Variants in KCNT2 observed in about 807,000 individuals in gnomAD.
The protein encoded by KCNT2 is potassium sodium-activated channel subfamily T member 2, also known as potassium channel subfamily T member 2.
Under a neutral mutation model 153.8 loss-of-function variants are expected in KCNT2, and 67 were observed. That is an observed-to-expected ratio of 0.44 (90% CI 0.36 to 0.53). The LOEUF (loss-of-function observed/expected upper bound fraction) is 0.53, where lower values mean the gene tolerates loss of function less well. Among genes scored for constraint, KCNT2 ranks in the 20% least tolerant of loss-of-function variants. The pLI, the probability that KCNT2 is intolerant of heterozygous loss-of-function variation, is 0.00. For missense variants in KCNT2, 975 were observed against 1,354.8 expected (o/e 0.72, Z 4.40); for synonymous variants, 500 against 458.8 (o/e 1.09, Z -1.15).
In KCNT2 at chr1:196,398,582, T is replaced by C. The variant is rs1387496887; in HGVS notation, c.1275A>G (p.Lys425=). 41 of 1,597,654 alleles carry C rather than the reference T, an allele frequency of 2.6e-5. No individual in the cohort carries two copies. Among genetic ancestry groups the C allele is most frequent in the Non-Finnish European group, 3.4e-5 (40 of 1,167,604 alleles). The part of the protein sequence containing the change: ...LYVQILKPEN[K]FHIKFADHVV... ...ACTTACCAGCAAATTTGATGTGAAA[T>C]TTATTTTCAGGCTTTAATATCTGGA... Residue 425 remains lysine, a synonymous_variant, in exon 13 of 28, where the codon AAA becomes AAG. Transcript: ENST00000294725.
intron 5 of KCNT2, among the ~76,000 whole-genome samples, chr1:196,477,349 G>A (rs12141177): frequency 0.017 from 2,624 of 152,220 alleles, 72 homozygotes; most frequent in African/African-American, 0.06. Flanking sequence ...CCTTTGGGAG[G>A]CTGAGGTTGG....
At chr1:196,365,391 G>A (rs565773202) in intron 14 of KCNT2, among the ~76,000 whole-genome samples, 11 of 152,084 alleles carry the variant, frequency 7.2e-5, no homozygotes, top group African/African-American at 2.6e-4. Flanking sequence ...ACTCATGGTG[G>A]CTTTCTTCTA....
At chr1:196,477,568 A>T (rs1434875540) in intron 5 of KCNT2, among the ~76,000 whole-genome samples, 1 of 152,058 alleles carries the variant, frequency 6.6e-6, no homozygotes, top group Non-Finnish European at 1.5e-5. Flanking sequence ...CCTGGGTGAC[A>T]GTGTGAGACC....
intron 14 of KCNT2, among the ~76,000 whole-genome samples, chr1:196,368,678 T>C (rs1287434677): frequency 6.6e-6 from 1 of 152,180 alleles, no homozygotes; most frequent in Non-Finnish European, 1.5e-5. Flanking sequence ...TATTTTATTA[T>C]GCTATACTAT....
intron 1 of KCNT2, among the ~76,000 whole-genome samples, chr1:196,497,891 T>G (rs925409644): frequency 6.6e-6 from 1 of 152,178 alleles, no homozygotes; most frequent in Non-Finnish European, 1.5e-5. Flanking sequence ...CAGGAGTTTT[T>G]CTTCTACAGT....
intron 12 of KCNT2, among the ~76,000 whole-genome samples, chr1:196,421,970 C>T (rs1673246005): frequency 6.6e-6 from 1 of 151,996 alleles, no homozygotes. Context: ...GGATTAGCGC[C>T]TACCCTAATG....
At chr1:196,360,651 A>ACACAC (rs58438267) in intron 14 of KCNT2, among the ~76,000 whole-genome samples, 4,642 of 152,114 alleles carry the variant, frequency 0.031, 204 homozygotes, top group African/African-American at 0.1. Flanking sequence ...GGAAATTTGA[A>ACACAC]CACACAAAAG....
intron 4 of KCNT2, among the ~76,000 whole-genome samples, chr1:196,480,039 T>C (rs1678875496): frequency 6.6e-6 from 1 of 152,222 alleles, no homozygotes; most frequent in Admixed American, 6.5e-5. Context: ...TATCCTTTTA[T>C]CTTTTTCTAT....
intron 22 of KCNT2, among the ~76,000 whole-genome samples, chr1:196,293,390 C>T (rs1217129864): frequency 6.6e-6 from 1 of 152,248 alleles, no homozygotes; most frequent in South Asian, 2.1e-4. Flanking sequence ...CAGTATCTGA[C>T]TTCAAAATCT....
chr1:196,377,340 G>T (rs1669057024), intron 13 of KCNT2, among the ~76,000 whole-genome samples: 1 of 151,682 alleles, frequency 6.6e-6, no homozygotes, highest in Non-Finnish European at 1.5e-5. Flanking sequence ...CATTTTTTTT[G>T]GTGGGGGGGA....
chr1:196,383,768 T>G (rs1233577140), intron 13 of KCNT2, among the ~76,000 whole-genome samples: 2 of 152,162 alleles, frequency 1.3e-5, no homozygotes, highest in African/African-American at 4.8e-5. Context: ...CCCCAGCACT[T>G]GCAGAAATGC....
intron 13 of KCNT2, among the ~76,000 whole-genome samples, chr1:196,389,129 T>C (rs1395180003): frequency 6.6e-6 from 1 of 151,790 alleles, no homozygotes; most frequent in Non-Finnish European, 1.5e-5. Context: ...TGTATTAATA[T>C]GGTGAACTGC....
At chr1:196,229,943 G>A (rs948034759) in intron 27 of KCNT2, among the ~76,000 whole-genome samples, 2 of 152,078 alleles carry the variant, frequency 1.3e-5, no homozygotes, top group Non-Finnish European at 2.9e-5. Flanking sequence ...TTAAGGAAAT[G>A]AGTCCCCTCC....
intron 3 of KCNT2, among the ~76,000 whole-genome samples, chr1:196,483,075 A>G (rs1374490863): frequency 6.6e-6 from 1 of 152,168 alleles, no homozygotes; most frequent in Non-Finnish European, 1.5e-5. Context: ...ACTTACAGCA[A>G]TATACCCTAT....
intron 1 of KCNT2, among the ~76,000 whole-genome samples, chr1:196,522,571 T>G (rs1462285806): frequency 1.3e-5 from 2 of 152,208 alleles, no homozygotes; most frequent in Non-Finnish European, 2.9e-5. Context: ...AAGCTACTCA[T>G]ACTAGTGAGA....
intron 1 of KCNT2, among the ~76,000 whole-genome samples, chr1:196,494,307 C>T (rs1680079189): frequency 6.6e-6 from 1 of 152,148 alleles, no homozygotes; most frequent in South Asian, 2.1e-4. Context: ...AAAGGCCATG[C>T]AGATTTGCTT....
intron 3 of KCNT2, among the ~76,000 whole-genome samples, chr1:196,489,417 GA>G (rs1015186863): frequency 2.1e-4 from 31 of 149,372 alleles, no homozygotes; most frequent in African/African-American, 4.9e-4. Flanking sequence ...AGTCTCTAGA[GA>G]AAAAAAAAGA....
At chr1:196,385,062 C>A (rs1046916358) in intron 13 of KCNT2, among the ~76,000 whole-genome samples, 4 of 152,038 alleles carry the variant, frequency 2.6e-5, no homozygotes, top group African/African-American at 7.2e-5. Flanking sequence ...GAAATATGCA[C>A]TTTAAAAGGA....
intron 10 of KCNT2, among the ~76,000 whole-genome samples, chr1:196,427,499 T>C (rs1168483938): frequency 6.6e-6 from 1 of 152,002 alleles, no homozygotes; most frequent in Non-Finnish European, 1.5e-5. Context: ...CCATGGCCCG[T>C]AGCAGAAAGT....
Sources: allele counts gnomAD v4.1 joint callset (sites outside exome capture counted in the v4.1 genomes callset), GRCh38; gene constraint gnomAD v4.1.1; transcripts MANE v1.5; gene names NCBI Gene and HGNC (gene_info 2026-07-23, HGNC 2026-07-21).